PEG3: variants seen among roughly 807,000 people sequenced by gnomAD.
The protein encoded by PEG3 is paternally expressed 3.
Under a neutral mutation model 35.5 loss-of-function variants are expected in PEG3, and 23 were observed. The observed-to-expected ratio is 0.65, with a 90% CI of 0.47 to 0.92. PEG3 has a LOEUF of 0.92. Among genes scored for constraint, PEG3 ranks in the 40% least tolerant of loss-of-function variants. The pLI, the probability that PEG3 is intolerant of heterozygous loss-of-function variation, is 0.00. For synonymous variants in PEG3, 707 were observed against 697.0 expected, an observed-to-expected ratio of 1.01 and a Z score of -0.23; for missense variants, 1,960 against 1,985.3, an observed-to-expected ratio of 0.99 and a Z score of 0.24.
intron 7 of PEG3, among the ~76,000 whole-genome samples, chr19:56,820,285 T>C (rs2060355198): frequency 6.6e-6 from 1 of 152,222 alleles, no homozygotes; most frequent in Non-Finnish European, 1.5e-5. Flanking sequence ...AATTTTCTGT[T>C]GTGTACACCT....
chr19:56,815,336 A>T lies in PEG3; in HGVS notation c.3106T>A (p.Phe1036Ile), dbSNP rs1340314055. ...TCGCTGGTAGCAAAAAATTGTCTGAAGTCCTTACATTTGTTCCGCGCTTGC... is the reference window on the plus strand; with the variant it reads ...TCGCTGGTAGCAAAAAATTGTCTGATGTCCTTACATTTGTTCCGCGCTTGC... ...KEQARNKCKDFRQFFATSEDL... is the reference protein window; with the variant it reads ...KEQARNKCKDIRQFFATSEDL... Residue 1036 changes from phenylalanine to isoleucine, a missense_variant, in exon 10 of 10, where the codon TTC becomes ATC. By Grantham distance (21) the Phe-to-Ile change is conservative (BLOSUM62 0). Coordinates refer to ENST00000326441, the MANE Select transcript of PEG3 (RefSeq NM_006210.3). The T allele has an allele frequency of 6.2e-7, 1 of 1,614,156 alleles. No individual in the cohort carries two copies. The highest frequency in any genetic ancestry group is 1.7e-5 in the Admixed American group (1 of 60,028).
At chr19:56,830,462 A>G (rs570535777) in intron 2 of PEG3, among the ~76,000 whole-genome samples, 182 of 152,362 alleles carry the variant, frequency 1.2e-3, no homozygotes, top group African/African-American at 4.2e-3. Flanking sequence ...AGCATTATAA[A>G]GACTTATCTC....
chr19:56,839,458 C>T (rs531193302), intron 1 of PEG3, among the ~76,000 whole-genome samples: 2 of 151,664 alleles, frequency 1.3e-5, no homozygotes, highest in East Asian at 1.9e-4. Flanking sequence ...TAATGCTACC[C>T]AGTCACTTCA....
Position 56,815,275 on chromosome 19 carries a change from T to C in PEG3, c.3167A>G (p.Glu1056Gly), listed in dbSNP as rs763322086. ...TTGAGACTCCTCGCCATGAGACTTCTCTTGGTCATAGATTTTCTGGTTTGT... is the reference window on the plus strand; with the variant it reads ...TTGAGACTCCTCGCCATGAGACTTCCCTTGGTCATAGATTTTCTGGTTTGT... ...LNTNQKIYDQ[E>G]KSHGEESQGE... The change falls in exon 10 of 10, where the codon GAG becomes GGG. Residue 1056 changes from glutamate to glycine, a missense_variant. Physicochemically the swap from Glu to Gly is moderately conservative, Grantham distance 98. Around this residue, in one of 5 missense-constraint regions of PEG3, gnomAD observed 798 missense variants for 782.4 expected, o/e 1.02. Transcript: ENST00000326441. 9 of 1,614,128 alleles carry C rather than the reference T, an allele frequency of 5.6e-6. No homozygotes were observed. The East Asian group carries it at 2.0e-4, about 36-fold the overall frequency.
At chr19:56,827,876 C>T (rs560766268) in intron 2 of PEG3, among the ~76,000 whole-genome samples, 2 of 152,228 alleles carry the variant, frequency 1.3e-5, no homozygotes, top group East Asian at 3.9e-4. Flanking sequence ...CAGATGATTT[C>T]TAGAAGGATA....
At chr19:56,818,498 A>G in intron 8 of PEG3, 102 bp downstream of exon 8, 1 of 1,242,702 alleles carries the variant, frequency 8.0e-7, no homozygotes, top group Non-Finnish European at 1.1e-6. Context: ...CTTGAAGTCC[A>G]AATATATTAA....
intron 2 of PEG3, among the ~76,000 whole-genome samples, chr19:56,832,353 A>G (rs542295609): frequency 6.6e-6 from 1 of 151,400 alleles, no homozygotes; most frequent in South Asian, 2.1e-4. Context: ...CACCATCTGT[A>G]CCTCCCCTCT....
At position 56,814,067 on chromosome 19, in the gene PEG3, C is replaced by T. The variant is rs1336457830; in HGVS notation, c.4375G>A (p.Glu1459Lys). The change falls in exon 10 of 10, where the codon GAA (glutamate) becomes AAA (lysine). Residue 1459 changes from glutamate to lysine, a missense_variant. By Grantham distance (56) the Glu-to-Lys change is moderately conservative (BLOSUM62 1). Coordinates refer to ENST00000326441, the MANE Select transcript of PEG3 (RefSeq NM_006210.3). The surrounding 1 kb of genome is among the most constrained non-coding windows in gnomAD (Gnocchi z 5.8). ...TCTTCAGCTCTTTCTTCTGGGTCTT[C>T]AATACCTGCACCATCTGGCTCATCA... is the stretch of plus-strand genomic sequence containing the variant. ...DADEPDGAGI[E>K]DPEERAEEPE... The T allele has an allele frequency of 1.9e-6, 3 of 1,614,190 alleles. No individual in the cohort carries two copies. Among genetic ancestry groups the T allele is most frequent in the South Asian group, 1.1e-5 (1 of 91,086 alleles).
At chr19:56,835,892 A>G (rs2062046796) in intron 2 of PEG3, 126 bp downstream of exon 2, 1 of 391,756 alleles carries the variant, frequency 2.6e-6, no homozygotes, top group Admixed American at 2.7e-5. Context: ...GGGTGTTCTC[A>G]GAGGGCACAA....
At chr19:56,836,443 G>A (rs962225634) in intron 1 of PEG3, among the ~76,000 whole-genome samples, 4 of 152,118 alleles carry the variant, frequency 2.6e-5, no homozygotes, top group Admixed American at 6.5e-5. Flanking sequence ...TGTTAGGACC[G>A]CTATCCTATC....
intron 8 of PEG3, among the ~76,000 whole-genome samples, chr19:56,818,173 C>T (rs1351190129): frequency 6.6e-6 from 1 of 152,198 alleles, no homozygotes; most frequent in Non-Finnish European, 1.5e-5. Flanking sequence ...CGCGACTGCT[C>T]TTCCTCCACC....
chr19:56,816,471 G>A lies in PEG3; in HGVS notation c.1971C>T (p.Asn657=). Residue 657 remains asparagine, a synonymous_variant, in exon 10 of 10, where the codon AAC becomes AAT. Transcript: ENST00000326441. ...KIHTRGNPFE[N]KGKVCEETFI... is the part of the protein sequence containing the mutation. ...AGGTTTCCTCACACACTTTACCCTT[G>A]TTTTCAAATGGGTTCCCTCTAGTAT... is the stretch of plus-strand genomic sequence containing the variant. 6.2e-7 allele frequency: 1 copy of A among 1,613,470 alleles called. No individual in the cohort carries two copies. The highest frequency in any genetic ancestry group is 1.1e-5 in the South Asian group (1 of 91,010).
At chr19:56,840,186 C>T (rs1601368689) in intron 1 of PEG3, among the ~76,000 whole-genome samples, 2 of 152,218 alleles carry the variant, frequency 1.3e-5, no homozygotes, top group South Asian at 4.1e-4. Flanking sequence ...TGGTGTCGAC[C>T]TTGCTGGACT....
intron 1 of PEG3, among the ~76,000 whole-genome samples, chr19:56,837,713 G>A (rs2146688055): frequency 6.6e-6 from 1 of 152,328 alleles, no homozygotes; most frequent in East Asian, 1.9e-4. Flanking sequence ...GGCAAAGATG[G>A]CACAGAATGA....
chr19:56,828,224 A>G (rs775527006), intron 2 of PEG3, among the ~76,000 whole-genome samples: 2 of 152,144 alleles, frequency 1.3e-5, no homozygotes, highest in Non-Finnish European at 2.9e-5. Flanking sequence ...GTCATACCCT[A>G]ACCTGGCCAT....
In PEG3 at chr19:56,811,069, G is replaced by A. The variant is rs1011405159; in HGVS notation, c.*2606C>T. ...AACAAGAATGAACAAGATAAGAGGA[G>A]AGTATATGTCTTTGGATGGTGGGGA... On this transcript the variant is annotated 3_prime_UTR_variant, in exon 10 of 10. Transcript: ENST00000326441. 20 of 959,366 alleles carry A rather than the reference G, an allele frequency of 2.1e-5. No individual in the cohort carries two copies. The highest frequency in any genetic ancestry group is 2.5e-5 in the Non-Finnish European group (20 of 806,172). 59.4% of individuals were successfully genotyped at this position (959,366 alleles called of 1,614,324 possible). A position where few individuals can be genotyped will look rare whatever the true frequency, so the allele number is the denominator to read the frequency against.
rs1277651732 is a variant in PEG3, at chr19:56,817,133, G to A, written c.1309C>T (p.Pro437Ser). 1 of 1,613,994 alleles carries A rather than the reference G, an allele frequency of 6.2e-7. No individual in the cohort carries two copies. The highest frequency in any genetic ancestry group is 1.7e-5 in the Admixed American group (1 of 60,010). The change falls in exon 10 of 10, where the codon CCC (proline) becomes TCC (serine). Residue 437 changes from proline to serine, a missense_variant. Transcript: ENST00000326441. Reference protein sequence around the residue: ...SVSSLSSLSSPSFTESQPIDF... With the variant: ...SVSSLSSLSSSSFTESQPIDF... Reference sequence around the variant, plus strand: ...ATTGGCTGTGACTCGGTAAAGGAGGGGGAGCTGAGGCTGCTCAGGCTGCTC... The same window carrying A: ...ATTGGCTGTGACTCGGTAAAGGAGGAGGAGCTGAGGCTGCTCAGGCTGCTC...
rs568195634 is a variant in PEG3, at chr19:56,823,520, C to G, written c.481+73G>C. ...GGGTCATCTTCATGGAGGCCCCAAC[C>G]CACTGTGTCTCCATCTGGAAGCATC... On this transcript the variant is annotated intron_variant, in intron 5 of 9. Transcript: ENST00000326441. The G allele has an allele frequency of 1.9e-5, 30 of 1,586,944 alleles. No homozygotes were observed. The East Asian group carries it at 6.0e-4, about 32-fold the overall frequency.
intron 2 of PEG3, among the ~76,000 whole-genome samples, chr19:56,829,588 G>A (rs114365911): frequency 0.027 from 4,070 of 152,282 alleles, 153 homozygotes; most frequent in African/African-American, 0.091. Flanking sequence ...GGCAGGAAGA[G>A]GAAGTGCTGG....
Sources: gnomAD v4.1 joint callset for allele counts (sites outside exome capture counted in the v4.1 genomes callset) on GRCh38, gnomAD v4.1.1 for gene constraint, gnomAD v4.1.1 regional missense constraint, Gnocchi (gnomAD v3.1) non-coding constraint, MANE v1.5 for transcripts, NCBI Gene and HGNC (gene_info 2026-07-23, HGNC 2026-07-21) for gene names.